ZSWIM6: variants seen among roughly 807,000 people sequenced by gnomAD.
ZSWIM6 encodes zinc finger SWIM-type containing 6, also known as zinc finger SWIM domain-containing protein 6.
A neutral mutation model predicts 113.2 loss-of-function variants in ZSWIM6; 9 were observed. The observed-to-expected ratio is 0.08, with a 90% CI of 0.05 to 0.14. The LOEUF is 0.14. Among genes scored for constraint, ZSWIM6 ranks in the 10% least tolerant of loss-of-function variants. The pLI, the probability that ZSWIM6 is intolerant of heterozygous loss-of-function variation, is 1.00. For synonymous variants in ZSWIM6, 611 were observed against 606.5 expected, an observed-to-expected ratio of 1.01 and a Z score of -0.11; for missense variants, 1,162 against 1,552.2, an observed-to-expected ratio of 0.75 and a Z score of 4.22.
At chr5:61,362,233 C>G (rs1745045692) in intron 1 of ZSWIM6, among the ~76,000 whole-genome samples, 1 of 151,060 alleles carries the variant, frequency 6.6e-6, no homozygotes, top group Non-Finnish European at 1.5e-5. Flanking sequence ...GTGTCTCGCT[C>G]TGTACCCCAG....
chr5:61,365,985 A>G (rs1264757620), intron 1 of ZSWIM6, among the ~76,000 whole-genome samples: 1 of 152,044 alleles, frequency 6.6e-6, no homozygotes, highest in African/African-American at 2.4e-5. Context: ...GGCTCACTGC[A>G]ACCTCCACCT....
In ZSWIM6 at chr5:61,531,738, A is replaced by T; in HGVS notation, c.2245+13A>T. 6.5e-7 allele frequency: 1 copy of T among 1,549,932 alleles called. No homozygotes were observed. Among genetic ancestry groups the T allele is most frequent in the Non-Finnish European group, 8.7e-7 (1 of 1,145,710 alleles). On this transcript the variant is annotated intron_variant, in intron 9 of 13. Transcript: ENST00000252744. Reference sequence around the variant, plus strand: ...TTCCTATTAGAAGGTAGCCTGATACAGAAGTTTTCCACTTATTTAGCCAAT... The same window carrying T: ...TTCCTATTAGAAGGTAGCCTGATACTGAAGTTTTCCACTTATTTAGCCAAT...
chr5:61,522,706 A>G (rs565982675), intron 5 of ZSWIM6, among the ~76,000 whole-genome samples: 1 of 152,324 alleles, frequency 6.6e-6, no homozygotes, highest in South Asian at 2.1e-4. Context: ...AAATAAATGT[A>G]TCCCACATAC....
At chr5:61,480,412 T>G (rs989144955) in intron 2 of ZSWIM6, among the ~76,000 whole-genome samples, 3 of 152,122 alleles carry the variant, frequency 2.0e-5, no homozygotes, top group African/African-American at 7.2e-5. Flanking sequence ...AGGTGGTTTG[T>G]TGGGGGAGCA....
rs1241328881 is a variant in ZSWIM6, at chr5:61,505,658, CCTTCCTTCCTTCCTTCTTTCCTTG to C, written c.1333+11250_1333+11273del. The stretch of plus-strand genomic sequence containing the variant: ...TCCTTCCTTCCTTCCTTCCTTCCTT[CCTTCCTTCCTTCCTTCTTTCCTTG>C]CCTCCCTCCCTCCCTTCCTTCCTCC... On this transcript the variant is annotated intron_variant, in intron 4 of 13. Coordinates refer to ENST00000252744, the MANE Select transcript of ZSWIM6 (RefSeq NM_020928.2). Among the ~76,000 whole-genome samples the C allele has an allele frequency of 5.8e-4, 65 of 111,920 alleles. 3 individuals are homozygous for C. The highest frequency in any genetic ancestry group is 8.2e-4 in the Non-Finnish European group (42 of 51,434). 73.4% of individuals were successfully genotyped at this position (111,920 alleles called of 152,430 possible). A position where few individuals can be genotyped will look rare whatever the true frequency, so the allele number is the denominator to read the frequency against.
intron 5 of ZSWIM6, among the ~76,000 whole-genome samples, chr5:61,523,735 A>G (rs1749200585): frequency 6.6e-6 from 1 of 152,312 alleles, no homozygotes; most frequent in Middle Eastern, 3.4e-3. Context: ...CCAGCTACAT[A>G]CTTAATTTTA....
intron 2 of ZSWIM6, among the ~76,000 whole-genome samples, chr5:61,490,499 T>C (rs374122603): frequency 2.0e-5 from 3 of 152,236 alleles, no homozygotes; most frequent in Admixed American, 6.6e-5. Flanking sequence ...GAAACACTTT[T>C]GTGAATTTGA....
chr5:61,431,562 G>T (rs900229018), intron 1 of ZSWIM6, among the ~76,000 whole-genome samples: 1 of 151,188 alleles, frequency 6.6e-6, no homozygotes, highest in Admixed American at 6.6e-5. Flanking sequence ...TGGCTAATGC[G>T]GTGAAACACT....
chr5:61,486,437 C>G (rs1177255548), intron 2 of ZSWIM6, among the ~76,000 whole-genome samples: 1 of 151,946 alleles, frequency 6.6e-6, no homozygotes, highest in African/African-American at 2.4e-5. Context: ...ATAATGTTTT[C>G]TTTTCCTCTG....
chr5:61,359,987 C>A (rs997164319), intron 1 of ZSWIM6, among the ~76,000 whole-genome samples: 1 of 150,670 alleles, frequency 6.6e-6, no homozygotes, highest in Admixed American at 6.6e-5. Flanking sequence ...TAATGTTGGA[C>A]CAGAAAAGCA....
intron 7 of ZSWIM6, among the ~76,000 whole-genome samples, chr5:61,528,031 A>G (rs1205333343): frequency 6.6e-6 from 1 of 152,120 alleles, no homozygotes; most frequent in Non-Finnish European, 1.5e-5. Context: ...AAGCTATGAA[A>G]ACTTTTATTT....
chr5:61,538,768 G>T, intron 10 of ZSWIM6, 46 bp from the exon 11 acceptor site: 1 of 1,517,900 alleles, frequency 6.6e-7, no homozygotes, highest in African/African-American at 1.4e-5. Flanking sequence ...CCAAGGACAT[G>T]GTCAAGAAAT....
rs1745358029 is a variant in ZSWIM6, at chr5:61,375,643, A to G, written c.676+42695A>G. ...GAAAGAAAAGGATATTAAAGGACTC[A>G]GCAAAAAGAGAAAGATGTATTCTGA... On this transcript the variant is annotated intron_variant, in intron 1 of 13. Coordinates refer to ENST00000252744, the MANE Select transcript of ZSWIM6 (RefSeq NM_020928.2). 9 of 1,543,040 alleles carry G rather than the reference A, an allele frequency of 5.8e-6. No homozygotes were observed. The South Asian group carries it at 8.4e-5, about 14-fold the overall frequency.
chr5:61,339,104 G>A (rs1213364600), intron 1 of ZSWIM6, among the ~76,000 whole-genome samples: 2 of 152,050 alleles, frequency 1.3e-5, no homozygotes, highest in Non-Finnish European at 2.9e-5. Context: ...TCATATTCAC[G>A]GTTAAGAATG....
At position 61,420,021 on chromosome 5, in the gene ZSWIM6, G is replaced by A. The variant is rs550720769; in HGVS notation, c.677-52660G>A. Among the ~76,000 whole-genome samples the A allele has an allele frequency of 1.9e-4, 29 of 152,318 alleles. No individual in the cohort carries two copies. The South Asian group carries it at 3.5e-3, about 18-fold the overall frequency. ...ACTTCAGTTTTTTAACCTGTAACAC[G>A]AAGATCATATCTCACAGGATTGTTG... On this transcript the variant is annotated intron_variant, in intron 1 of 13. Coordinates refer to ENST00000252744, the MANE Select transcript of ZSWIM6 (RefSeq NM_020928.2).
At chr5:61,338,189 A>G (rs1023861540) in intron 1 of ZSWIM6, among the ~76,000 whole-genome samples, 4 of 151,794 alleles carry the variant, frequency 2.6e-5, no homozygotes, top group Non-Finnish European at 2.9e-5. Context: ...GGGGGTGGCA[A>G]AGCAGTAAAA....
At chr5:61,378,559 A>AT (rs66744107) in intron 1 of ZSWIM6, among the ~76,000 whole-genome samples, 236 of 147,690 alleles carry the variant, frequency 1.6e-3, no homozygotes, top group Admixed American at 2.9e-3. Context: ...CCTTTCAGAT[A>AT]TTTTTTTTTT....
chr5:61,424,727 CTTTT>C (rs35994591), intron 1 of ZSWIM6, among the ~76,000 whole-genome samples: 1 of 134,734 alleles, frequency 7.4e-6, no homozygotes. Context: ...AATCTTGGCT[CTTTT>C]TTTTTTTTTT....
At chr5:61,382,498 T>A (rs944843257) in intron 1 of ZSWIM6, among the ~76,000 whole-genome samples, 2 of 152,170 alleles carry the variant, frequency 1.3e-5, no homozygotes, top group African/African-American at 4.8e-5. Context: ...TCGTGATGCC[T>A]TATGTGTAGA....
Sources: gnomAD v4.1 joint callset for allele counts (sites outside exome capture counted in the v4.1 genomes callset) on GRCh38, gnomAD v4.1.1 for gene constraint, MANE v1.5 for transcripts, NCBI Gene and HGNC (gene_info 2026-07-23, HGNC 2026-07-21) for gene names.